GRIP1: variants seen among roughly 807,000 people sequenced by gnomAD.
The protein encoded by GRIP1 is glutamate receptor interacting protein 1.
GRIP1 carries 45 observed loss-of-function variants against 129.9 expected under a neutral mutation model. The observed-to-expected ratio is 0.35, with a 90% CI of 0.27 to 0.44. GRIP1 has a LOEUF of 0.44. Ranked by LOEUF, GRIP1 falls within the 20% of genes least tolerant of loss-of-function variation. The pLI, the probability that GRIP1 is intolerant of heterozygous loss-of-function variation, is 1.00. For synonymous variants in GRIP1, 530 were observed against 520.8 expected, an observed-to-expected ratio of 1.02 and a Z score of -0.24; for missense variants, 1,196 against 1,396.8, an observed-to-expected ratio of 0.86 and a Z score of 2.29.
chr12:66,867,821 G>C lies in GRIP1; in HGVS notation c.58+201229C>G, dbSNP rs138706987. On this transcript the variant is annotated intron_variant, in intron 1 of 1. Coordinates refer to the GRIP1 transcript ENST00000643019. ...CACAACTTTCTGTAGGGTTATGAGTGAGTCATATACGACGGGTACTCAGTG... is the reference window on the plus strand; with the variant it reads ...CACAACTTTCTGTAGGGTTATGAGTCAGTCATATACGACGGGTACTCAGTG... Among the ~76,000 whole-genome samples, 996 of 152,266 alleles carry C rather than the reference G, an allele frequency of 6.5e-3. 3 individuals are homozygous for C. The highest frequency in any genetic ancestry group is 0.011 in the Non-Finnish European group (747 of 68,020).
chr12:66,796,534 C>T (rs982554157), intron 1 of GRIP1, among the ~76,000 whole-genome samples: 5 of 152,116 alleles, frequency 3.3e-5, no homozygotes, highest in African/African-American at 9.7e-5. Flanking sequence ...GTATCTCAAA[C>T]GCTCACCCTT....
intron 1 of GRIP1, among the ~76,000 whole-genome samples, chr12:67,049,821 TAAAC>T (rs2043312781): frequency 6.6e-6 from 1 of 152,090 alleles, no homozygotes; most frequent in South Asian, 2.1e-4. Context: ...AATTGTCACT[TAAAC>T]TAAGTGAAAT....
chr12:67,066,888 T>TTATATATTTATATATATATATATATATA (rs2043636861), intron 1 of GRIP1, among the ~76,000 whole-genome samples: 1 of 125,662 alleles, frequency 8.0e-6, no homozygotes, highest in African/African-American at 2.9e-5. Context: ...AAATATATAT[T>TTATATATTTATATATATATATATATATA]TATATATATA....
intron 1 of GRIP1, among the ~76,000 whole-genome samples, chr12:67,004,775 G>A (rs1239840339): frequency 6.6e-6 from 1 of 152,062 alleles, no homozygotes; most frequent in African/African-American, 2.4e-5. Context: ...GGAAATAAAA[G>A]TATTATAGAG....
At chr12:67,037,329 A>AAATAAGAATAATAATAAT (rs1555167301) in intron 1 of GRIP1, 1 of 139,188 alleles carries the variant, frequency 7.2e-6, no homozygotes, top group East Asian at 2.1e-4. Flanking sequence ...CTCTGCCTGA[A>AAATAAGAATAATAATAAT]AATAATAATA....
chr12:66,720,357 T>C (rs1210169162), intron 1 of GRIP1, among the ~76,000 whole-genome samples: 1 of 152,234 alleles, frequency 6.6e-6, no homozygotes, highest in Non-Finnish European at 1.5e-5. Flanking sequence ...TTTGCTGATA[T>C]AGGGTCTTGC....
chr12:66,979,218 T>C (rs1189406557), intron 1 of GRIP1, among the ~76,000 whole-genome samples: 2 of 35,598 alleles, frequency 5.6e-5, no homozygotes, highest in Non-Finnish European at 1.0e-4. Flanking sequence ...AAAACTTCTC[T>C]TCTTAAAAAA....
intron 1 of GRIP1, among the ~76,000 whole-genome samples, chr12:67,018,368 T>A (rs1363565841): frequency 6.6e-6 from 1 of 152,180 alleles, no homozygotes; most frequent in East Asian, 1.9e-4. Flanking sequence ...TCCTACACAC[T>A]CACCCTCTCG....
At chr12:67,032,008 C>A (rs533422587) in intron 1 of GRIP1, among the ~76,000 whole-genome samples, 1 of 152,166 alleles carries the variant, frequency 6.6e-6, no homozygotes, top group Non-Finnish European at 1.5e-5. Flanking sequence ...AACATCTCCA[C>A]GGACTGCTGT....
intron 7 of GRIP1, among the ~76,000 whole-genome samples, chr12:66,492,390 TG>T (rs1256205092): frequency 6.6e-6 from 1 of 152,134 alleles, no homozygotes; most frequent in African/African-American, 2.4e-5. Context: ...AGTCTAAAGA[TG>T]GGACTAGATT....
At chr12:66,694,524 A>AT (rs565753156) in intron 1 of GRIP1, among the ~76,000 whole-genome samples, 112 of 152,262 alleles carry the variant, frequency 7.4e-4, no homozygotes, top group African/African-American at 2.6e-3. Flanking sequence ...CTCAGTACGT[A>AT]TTATTATATG....
At position 66,737,235 on chromosome 12, in the gene GRIP1, T is replaced by C. The variant is rs73327070; in HGVS notation, c.-420+66818A>G. On this transcript the variant is annotated intron_variant, in intron 1 of 4. Coordinates refer to the GRIP1 transcript ENST00000538373. ...TTTTTTTCTTTCTAGGTTCTGCAAA[T>C]TGTCCTCTGTTTCACCTCTAGTGAT... 3.7e-3 allele frequency among the ~76,000 whole-genome samples: 570 copies of C among 152,278 alleles called. 7 individuals are homozygous for C. Among genetic ancestry groups the C allele is most frequent in the African/African-American group, 0.013 (533 of 41,556 alleles).
intron 7 of GRIP1, among the ~76,000 whole-genome samples, chr12:66,491,280 G>T (rs926002956): frequency 2.0e-5 from 3 of 152,162 alleles, no homozygotes; most frequent in African/African-American, 4.8e-5. Context: ...ATACTATGCA[G>T]CCATATAAAA....
intron 7 of GRIP1, among the ~76,000 whole-genome samples, chr12:66,469,300 A>C (rs1333482144): frequency 6.6e-6 from 1 of 152,232 alleles, no homozygotes; most frequent in Non-Finnish European, 1.5e-5. Context: ...CCAGTTAAGT[A>C]GCTAGCCAGA....
chr12:66,460,725 A>G (rs1033427739), intron 9 of GRIP1, among the ~76,000 whole-genome samples: 3 of 152,220 alleles, frequency 2.0e-5, no homozygotes, highest in Non-Finnish European at 2.9e-5. Context: ...GTGTGTTGAG[A>G]GACACACTGT....
At chr12:66,757,242 C>T (rs543685857) in intron 1 of GRIP1, among the ~76,000 whole-genome samples, 24 of 152,086 alleles carry the variant, frequency 1.6e-4, no homozygotes, top group African/African-American at 5.5e-4. Context: ...CTCTTCCCTC[C>T]CACACTGCCT....
At chr12:66,928,249 G>C (rs892446714) in intron 1 of GRIP1, among the ~76,000 whole-genome samples, 2 of 152,142 alleles carry the variant, frequency 1.3e-5, no homozygotes, top group Admixed American at 6.5e-5. Context: ...TTTTAACACA[G>C]GTACATTTTA....
chr12:66,385,259 G>A (rs890157992), intron 19 of GRIP1, among the ~76,000 whole-genome samples: 5 of 152,188 alleles, frequency 3.3e-5, no homozygotes, highest in East Asian at 3.9e-4. Context: ...GCTCAGGCAG[G>A]GCACGGTAGC....
chr12:66,938,823 G>GGC (rs2041533777), intron 1 of GRIP1, among the ~76,000 whole-genome samples: 1 of 152,152 alleles, frequency 6.6e-6, no homozygotes, highest in Non-Finnish European at 1.5e-5. Context: ...CAGGCGTGGT[G>GGC]GTGCATGCCT....
Sources: allele counts gnomAD v4.1 joint callset (sites outside exome capture counted in the v4.1 genomes callset), GRCh38; gene constraint gnomAD v4.1.1; transcripts MANE v1.5; gene names NCBI Gene and HGNC (gene_info 2026-07-23, HGNC 2026-07-21).